MOB3A: variants seen among roughly 807,000 people sequenced by gnomAD.
The protein encoded by MOB3A is MOB LAK.
A neutral mutation model predicts 17.8 loss-of-function variants in MOB3A; 17 were observed. That is an observed-to-expected ratio of 0.95 (90% CI 0.65 to 1.43). The LOEUF is 1.43. Ranked by LOEUF, MOB3A falls within the 40% of genes most tolerant of loss-of-function variation. The pLI, the probability that MOB3A is intolerant of heterozygous loss-of-function variation, is 0.00. For synonymous variants in MOB3A, 124 were observed against 133.2 expected, an observed-to-expected ratio of 0.93 and a Z score of 0.48; for missense variants, 333 against 310.8, an observed-to-expected ratio of 1.07 and a Z score of -0.54.
intron 1 of MOB3A, among the ~76,000 whole-genome samples, chr19:2,085,868 G>T (rs1236385989): frequency 6.7e-6 from 1 of 148,226 alleles, no homozygotes; most frequent in Non-Finnish European, 1.5e-5. Context: ...GGAGGCTGAG[G>T]CAGGAGAATG....
At chr19:2,087,433 G>A (rs891488840) in intron 1 of MOB3A, among the ~76,000 whole-genome samples, 1 of 152,200 alleles carries the variant, frequency 6.6e-6, no homozygotes, top group Non-Finnish European at 1.5e-5. Context: ...CAGGAGGACT[G>A]CTTGAGGCCA....
chr19:2,088,431 G>A (rs1372719509), intron 1 of MOB3A, among the ~76,000 whole-genome samples: 1 of 152,028 alleles, frequency 6.6e-6, no homozygotes, highest in Non-Finnish European at 1.5e-5. Context: ...AGCCTCCTGC[G>A]TAGCTGGGAC....
In MOB3A at chr19:2,073,428, T is replaced by C. The variant is rs1401077151; in HGVS notation, c.625-4A>G. The C allele has an allele frequency of 1.8e-5, 29 of 1,613,362 alleles. No individual in the cohort carries two copies. The highest frequency in any genetic ancestry group is 2.4e-5 in the Non-Finnish European group (28 of 1,179,946). On this transcript the variant is annotated splice_region_variant and splice_polypyrimidine_tract_variant and intron_variant, in intron 4 of 4. Transcript: ENST00000357066. ...ACATCCGGGCGGTCATTTCTTTCTG[T>C]AAAGAGCAAGCAAGACATCAGCTCC... is the stretch of plus-strand genomic sequence containing the variant.
rs954620124 is a variant in MOB3A, at chr19:2,093,161, A to AT, written c.-274+3064dup. Among the ~76,000 whole-genome samples, 118 of 145,674 alleles carry AT rather than the reference A, an allele frequency of 8.1e-4. No homozygotes were observed. The highest frequency in any genetic ancestry group is 1.2e-3 in the East Asian group (6 of 5,022). The stretch of plus-strand genomic sequence containing the variant: ...TGGGAGGATACCTCCTTGGAAGGGA[A>AT]TTTTTTTTTTTTTCGAGACGTTGTC... On this transcript the variant is annotated intron_variant, in intron 1 of 4. Transcript: ENST00000357066. This position sits in a 1 kb window ranked among gnomAD's most constrained non-coding sequence, Gnocchi z 4.6.
chr19:2,079,943 C>T (rs1237259202), intron 2 of MOB3A, among the ~76,000 whole-genome samples: 1 of 152,218 alleles, frequency 6.6e-6, no homozygotes, highest in African/African-American at 2.4e-5. Context: ...ACCCGGCGTC[C>T]TCCTACTCCC....
Position 2,073,153 on chromosome 19 carries a change from AAC to A in MOB3A, c.*240_*241del. On this transcript the variant is annotated 3_prime_UTR_variant, in exon 5 of 5. Coordinates refer to ENST00000357066, the MANE Select transcript of MOB3A (RefSeq NM_130807.3). Reference sequence around the variant, plus strand: ...ACAGTGGGCTTTTCCGGTTGCTAGTAACACATAGAATTACAGAGTTCACGTTT... The same window carrying A: ...ACAGTGGGCTTTTCCGGTTGCTAGTAACATAGAATTACAGAGTTCACGTTT... 3.5e-6 allele frequency: 2 copies of A among 569,106 alleles called. No homozygotes were observed. The highest frequency in any genetic ancestry group is 6.3e-5 in the Admixed American group (2 of 31,756). The allele number at this position is 569,106 out of a possible 1,614,324, so 35.3% of individuals were successfully genotyped here.
Position 2,072,022 on chromosome 19 carries a change from C to T in MOB3A, c.*1373G>A, listed in dbSNP as rs953201424. 6.6e-6 allele frequency: 1 copy of T among 151,946 alleles called. No homozygotes were observed. The highest frequency in any genetic ancestry group is 2.4e-5 in the African/African-American group (1 of 41,330). 9.4% of individuals were successfully genotyped at this position (151,946 alleles called of 1,614,324 possible). On this transcript the variant is annotated 3_prime_UTR_variant, in exon 5 of 5. Coordinates refer to ENST00000357066, the MANE Select transcript of MOB3A (RefSeq NM_130807.3). ...GTGAAACCCTGTCTCTACTAAAATA[C>T]AAAAAAATTAGCCGGGTGTGACGGT...
Position 2,076,847 on chromosome 19 carries a change from C to T in MOB3A, c.588G>A (p.Glu196=), listed in dbSNP as rs2017415897. 2.5e-6 allele frequency: 4 copies of T among 1,613,948 alleles called. No homozygotes were observed. Among genetic ancestry groups the T allele is most frequent in the Non-Finnish European group, 3.4e-6 (4 of 1,180,036 alleles). ...GCTCCTTGGTGTCGATGAGGCCGAA[C>T]TCCTTGACGAAATAGTAGAAGTGCT... The part of the protein sequence containing the change: ...CYKHFYYFVK[E]FGLIDTKELE... Residue 196 remains glutamate, a synonymous_variant, in exon 4 of 5, where the codon GAG becomes GAA. Transcript: ENST00000357066.
intron 1 of MOB3A, among the ~76,000 whole-genome samples, chr19:2,092,960 C>T (rs1171611839): frequency 6.6e-6 from 1 of 152,014 alleles, no homozygotes; most frequent in Admixed American, 6.6e-5. Context: ...CCCAGAATCC[C>T]GTTTCTGAAG....
rs10419889 is a variant in MOB3A, at chr19:2,078,474, G to A, written c.87C>T (p.Phe29=). 4,250 of 1,611,322 alleles carry A rather than the reference G, an allele frequency of 2.6e-3. 93 individuals carry two copies. The African/African-American group carries it at 0.046, about 17-fold the overall frequency. ...KRKFEPGTQR[F]ELHKKAQASL... ...ACGCCTGCGCCTTCTTGTGCAGCTCGAAGCGCTGGGTGCCTGGCTCAAACT... is the reference window on the plus strand; with the variant it reads ...ACGCCTGCGCCTTCTTGTGCAGCTCAAAGCGCTGGGTGCCTGGCTCAAACT... Residue 29 remains phenylalanine (F), a synonymous_variant, in exon 3 of 5, where the codon TTC becomes TTT. Coordinates refer to ENST00000357066, the MANE Select transcript of MOB3A (RefSeq NM_130807.3).
At chr19:2,076,256 C>A (rs2017405481) in intron 4 of MOB3A, among the ~76,000 whole-genome samples, 1 of 150,534 alleles carries the variant, frequency 6.6e-6, no homozygotes, top group Non-Finnish European at 1.5e-5. Context: ...CACGGTGAAA[C>A]CCCCTCTCTC....
intron 1 of MOB3A, among the ~76,000 whole-genome samples, chr19:2,085,822 G>A (rs575574743): frequency 2.0e-5 from 3 of 151,590 alleles, no homozygotes; most frequent in South Asian, 4.2e-4. Context: ...AAAATAGCCG[G>A]GCGTAGTGGT....
intron 1 of MOB3A, among the ~76,000 whole-genome samples, chr19:2,088,004 G>A (rs1176285638): frequency 1.3e-5 from 2 of 152,148 alleles, no homozygotes; most frequent in South Asian, 2.1e-4. Context: ...CCCCAGTCTC[G>A]CCTCCTCGTG....
At chr19:2,084,651 C>T (rs1161911067) in intron 2 of MOB3A, among the ~76,000 whole-genome samples, 1 of 151,588 alleles carries the variant, frequency 6.6e-6, no homozygotes, top group Non-Finnish European at 1.5e-5. Context: ...AGTGCAGTGG[C>T]ATGATCTTGG....
intron 3 of MOB3A, 85 bp downstream of exon 3, chr19:2,078,055 A>G (rs2017434809): frequency 7.3e-7 from 1 of 1,369,394 alleles, no homozygotes; most frequent in Non-Finnish European, 9.7e-7. Context: ...AAGCGCTGGC[A>G]TTACGGGTGT....
chr19:2,094,041 CTT>C (rs1012593196), intron 1 of MOB3A, among the ~76,000 whole-genome samples: 15 of 113,218 alleles, frequency 1.3e-4, no homozygotes, highest in Admixed American at 2.9e-4. Context: ...TATGTAAGTT[CTT>C]TTTTTTTTTT....
intron 1 of MOB3A, among the ~76,000 whole-genome samples, chr19:2,089,280 G>A (rs760860955): frequency 1.7e-4 from 26 of 152,144 alleles, no homozygotes; most frequent in Non-Finnish European, 3.2e-4. Flanking sequence ...CAGTTGCCTC[G>A]CCTGAGGGTG....
At chr19:2,083,679 G>A (rs1208341993) in intron 2 of MOB3A, among the ~76,000 whole-genome samples, 1 of 152,190 alleles carries the variant, frequency 6.6e-6, no homozygotes, top group Non-Finnish European at 1.5e-5. Flanking sequence ...CCGACTCACA[G>A]CCAACTTTCC....
Position 2,078,456 on chromosome 19 carries a change from C to G in MOB3A, c.105G>C (p.Ala35=). The G allele has an allele frequency of 1.9e-6, 3 of 1,613,234 alleles. No homozygotes were observed. Among genetic ancestry groups the G allele is most frequent in the Non-Finnish European group, 2.5e-6 (3 of 1,179,406 alleles). ...CCAGCCCGGCGTTCAGCGACGCCTG[C>G]GCCTTCTTGTGCAGCTCGAAGCGCT... ...GTQRFELHKK[A]QASLNAGLDL... Residue 35 remains alanine, a synonymous_variant, in exon 3 of 5, where the codon GCG becomes GCC. Coordinates refer to ENST00000357066, the MANE Select transcript of MOB3A (RefSeq NM_130807.3).
Sources: gnomAD v4.1 joint callset for allele counts (sites outside exome capture counted in the v4.1 genomes callset) on GRCh38, gnomAD v4.1.1 for gene constraint, Gnocchi (gnomAD v3.1) non-coding constraint, MANE v1.5 for transcripts, NCBI Gene and HGNC (gene_info 2026-07-23, HGNC 2026-07-21) for gene names.